The following CACNA1H variants were observed in gnomAD, a reference collection of about 807,000 sequenced individuals.
The protein encoded by CACNA1H is voltage-dependent T-type calcium channel subunit alpha-1H.
A neutral mutation model predicts 192.5 loss-of-function variants in CACNA1H; 149 were observed. The ratio of observed to expected loss-of-function variants is 0.77; its 90% confidence interval spans 0.68 to 0.89. The LOEUF (loss-of-function observed/expected upper bound fraction) is 0.89, where lower values mean the gene tolerates loss of function less well. Among genes scored for constraint, CACNA1H ranks in the 40% least tolerant of loss-of-function variants. CACNA1H has a pLI of 0.00. For synonymous variants in CACNA1H, 2,202 were observed against 1,475.2 expected, an observed-to-expected ratio of 1.49 and a Z score of -11.29; for missense variants, 4,257 against 3,423.5, an observed-to-expected ratio of 1.24 and a Z score of -6.08.
At position 1,195,057 on chromosome 16, in the gene CACNA1H, GGCTCCGAGC is replaced by G. The variant is rs774260053; in HGVS notation, c.389_397del (p.Ser130_Arg132del). The G allele has an allele frequency of 6.2e-7, 1 of 1,608,740 alleles. No homozygotes were observed. The highest frequency in any genetic ancestry group is 1.1e-5 in the South Asian group (1 of 90,954). ...CCGGCCCTGTGAGGACGTTGAGTGC[GGCTCCGAGC>G]GCTGCAACATCCTGGAGGTGAGGGG... On this transcript the variant is annotated inframe_deletion, in exon 3 of 35. Transcript: ENST00000348261.
At chr16:1,193,884 G>A (rs1222886436) in intron 2 of CACNA1H, among the ~76,000 whole-genome samples, 1 of 152,094 alleles carries the variant, frequency 6.6e-6, no homozygotes, top group Admixed American at 6.5e-5. Flanking sequence ...CACCAAGCCT[G>A]TTCCCCTCCT....
At chr16:1,169,559 A>C (rs1596314677) in intron 2 of CACNA1H, among the ~76,000 whole-genome samples, 1 of 152,142 alleles carries the variant, frequency 6.6e-6, no homozygotes, top group African/African-American at 2.4e-5. Context: ...AGCCTCTCCC[A>C]CCGAGAGACA....
chr16:1,179,613 G>T lies in CACNA1H; in HGVS notation c.300-15359G>T, dbSNP rs139186963. ...CTGGCTAATTTTTGTATTGTTAGTA[G>T]AGACGGGATTTTATCATGTTGGCCA... is the stretch of plus-strand genomic sequence containing the variant. On this transcript the variant is annotated intron_variant, in intron 2 of 34. Coordinates refer to ENST00000348261, the MANE Select transcript of CACNA1H (RefSeq NM_021098.3). 8.6e-3 allele frequency among the ~76,000 whole-genome samples: 1,300 copies of T among 151,424 alleles called. 25 individuals carry two copies. The highest frequency in any genetic ancestry group is 0.03 in the African/African-American group (1,223 of 41,208).
intron 11 of CACNA1H, 46 bp downstream of exon 11, chr16:1,205,311 ACT>A (rs1234582582): frequency 5.1e-6 from 8 of 1,554,686 alleles, no homozygotes; most frequent in African/African-American, 4.1e-5. Flanking sequence ...GGGAAGCTCC[ACT>A]CTCTGGCAGA....
chr16:1,190,758 G>A (rs1254678782), intron 2 of CACNA1H, among the ~76,000 whole-genome samples: 1 of 145,238 alleles, frequency 6.9e-6, no homozygotes, highest in Non-Finnish European at 1.5e-5. Context: ...GCTAATTTTG[G>A]GTGGGTGCTG....
intron 2 of CACNA1H, among the ~76,000 whole-genome samples, chr16:1,185,508 C>A (rs935686475): frequency 6.8e-6 from 1 of 146,290 alleles, no homozygotes. Flanking sequence ...GAGTCCCCCC[C>A]CCCGCCGAGT....
At chr16:1,219,505 G>A (rs565241299) in intron 34 of CACNA1H, among the ~76,000 whole-genome samples, 23 of 152,260 alleles carry the variant, frequency 1.5e-4, no homozygotes, top group East Asian at 3.9e-4. Context: ...CATGGGTCCC[G>A]TGGTGGGCAG....
chr16:1,205,366 C>T lies in CACNA1H; in HGVS notation c.2603+101C>T, dbSNP rs57341428. 1,497 of 1,251,298 alleles carry T rather than the reference C, an allele frequency of 1.2e-3. 9 individuals carry two copies. The highest frequency in any genetic ancestry group is 0.011 in the Middle Eastern group (58 of 5,120). The allele number at this position is 1,251,298 out of a possible 1,614,324, so 77.5% of individuals were successfully genotyped here. A position where few individuals can be genotyped will look rare whatever the true frequency, so the allele number is the denominator to read the frequency against. Reference sequence around the variant, plus strand: ...AAAACCCAGAGCACAGGAGGAAGTACGACGATAGCTCTTTATGACAGGCCG... The same window carrying T: ...AAAACCCAGAGCACAGGAGGAAGTATGACGATAGCTCTTTATGACAGGCCG... On this transcript the variant is annotated intron_variant, in intron 11 of 34. Transcript: ENST00000348261.
chr16:1,172,612 C>T (rs1402118825), intron 2 of CACNA1H, among the ~76,000 whole-genome samples: 1 of 152,190 alleles, frequency 6.6e-6, no homozygotes, highest in Non-Finnish European at 1.5e-5. Context: ...GAGCTCCCGG[C>T]TTCTGTAATT....
rs148342356 is a variant in CACNA1H, at chr16:1,214,316, C to T, written c.4929+385C>T. ...CCTTTCCTCAGCGGAAGGACTTCGT[C>T]CTCCCAGCCTTTTAGAAGAAGGAGG... On this transcript the variant is annotated intron_variant, in intron 27 of 34. Transcript: ENST00000348261. Among the ~76,000 whole-genome samples, 651 of 152,352 alleles carry T rather than the reference C, an allele frequency of 4.3e-3. 4 individuals carry two copies. Among genetic ancestry groups the T allele is most frequent in the African/African-American group, 0.015 (608 of 41,570 alleles).
rs1054648 is a variant in CACNA1H at position 1,221,471 on chromosome 16, C to T, written c.*477C>T. On this transcript the variant is annotated 3_prime_UTR_variant, in exon 35 of 35. Coordinates refer to ENST00000348261, the MANE Select transcript of CACNA1H (RefSeq NM_021098.3). ...GTCCGCCTGTCACGCCCTCACCACC[C>T]TCCCCTTCCAGCCACCACCCTTTCC... 0.11 allele frequency: 37,724 copies of T among 352,288 alleles called. 2,572 individuals carry two copies. The highest frequency in any genetic ancestry group is 0.21 in the South Asian group (4,827 of 22,678). The allele number at this position is 352,288 out of a possible 1,614,324, so 21.8% of individuals were successfully genotyped here.
At chr16:1,156,776 C>T (rs1218012265) in intron 2 of CACNA1H, among the ~76,000 whole-genome samples, 1 of 152,122 alleles carries the variant, frequency 6.6e-6, no homozygotes, top group East Asian at 1.9e-4. Flanking sequence ...AGCCGGGGTT[C>T]AGTCAGCACA....
intron 2 of CACNA1H, among the ~76,000 whole-genome samples, chr16:1,174,929 C>A (rs975760355): frequency 8.3e-6 from 1 of 120,214 alleles, no homozygotes; most frequent in Admixed American, 8.3e-5. Context: ...TCACCCCCAA[C>A]CCCCACGTCC....
chr16:1,176,821 C>T (rs1032167232), intron 2 of CACNA1H, among the ~76,000 whole-genome samples: 3 of 152,148 alleles, frequency 2.0e-5, no homozygotes, highest in Non-Finnish European at 4.4e-5. Context: ...TGCCTCCCCT[C>T]GGCCCTTCCC....
chr16:1,208,466 A>G (rs1476818864), intron 16 of CACNA1H, among the ~76,000 whole-genome samples: 1 of 152,208 alleles, frequency 6.6e-6, no homozygotes, highest in Non-Finnish European at 1.5e-5. Flanking sequence ...CAGAGTGCAC[A>G]GCGCACAGCA....
chr16:1,156,213 G>A (rs915542845), intron 2 of CACNA1H, among the ~76,000 whole-genome samples: 2 of 152,216 alleles, frequency 1.3e-5, no homozygotes, highest in African/African-American at 2.4e-5. Flanking sequence ...GCAGTGATGG[G>A]GGGTGTCCCC....
rs1012700834 is a variant in CACNA1H at position 1,153,602 on chromosome 16, C to G, written c.-18-118C>G. On this transcript the variant is annotated intron_variant, in intron 1 of 34. Transcript: ENST00000348261. ...GGGCGGGGGCGGGGGGCGCGTTTGT[C>G]TCTAATAAGAAAAGACAAAGACATC... 78 of 555,822 alleles carry G rather than the reference C, an allele frequency of 1.4e-4. No individual in the cohort carries two copies. The African/African-American group carries it at 1.5e-3, about 11-fold the overall frequency. The allele number at this position is 555,822 out of a possible 1,614,324, so 34.4% of individuals were successfully genotyped here.
Position 1,203,479 on chromosome 16 carries a change from C to T in CACNA1H, c.2003-531C>T, listed in dbSNP as rs565334588. Reference sequence around the variant, plus strand: ...CTGCCCCAGTACGTGAGCAGGAATGCGGCTGTGGGGGTTGGGTGTGTGTGC... The same window carrying T: ...CTGCCCCAGTACGTGAGCAGGAATGTGGCTGTGGGGGTTGGGTGTGTGTGC... On this transcript the variant is annotated intron_variant, in intron 9 of 34. Coordinates refer to ENST00000348261, the MANE Select transcript of CACNA1H (RefSeq NM_021098.3). 4.6e-5 allele frequency among the ~76,000 whole-genome samples: 7 copies of T among 152,262 alleles called. No homozygotes were observed. In the South Asian group the frequency reaches 1.0e-3, roughly 23 times the overall value.
At position 1,205,214 on chromosome 16, in the gene CACNA1H, G is replaced by C; in HGVS notation, c.2552G>C (p.Gly851Ala). ...AAGCTGCTGGCCTGCGGCCCTCTGG[G>C]CTACATCCGGAACCCGTACAACATC... Reference protein sequence around the residue: ...LLKLLACGPLGYIRNPYNIFD... With the variant: ...LLKLLACGPLAYIRNPYNIFD... Residue 851 changes from glycine to alanine, a missense_variant, in exon 11 of 35, where the codon GGC becomes GCC. By Grantham distance (60) the Gly-to-Ala change is moderately conservative. Coordinates refer to ENST00000348261, the MANE Select transcript of CACNA1H (RefSeq NM_021098.3). 6.2e-7 allele frequency: 1 copy of C among 1,613,000 alleles called. No homozygotes were observed. The highest frequency in any genetic ancestry group is 8.5e-7 in the Non-Finnish European group (1 of 1,179,768).
Sources: gnomAD v4.1 joint callset for allele counts (sites outside exome capture counted in the v4.1 genomes callset) on GRCh38, gnomAD v4.1.1 for gene constraint, MANE v1.5 for transcripts, NCBI Gene and HGNC (gene_info 2026-07-23, HGNC 2026-07-21) for gene names.